PDE11A: variants seen among roughly 807,000 people sequenced by gnomAD.
PDE11A encodes the protein phosphodiesterase 11A, also known as dual 3',5'-cyclic-AMP and -GMP phosphodiesterase 11A.
A neutral mutation model predicts 100.5 loss-of-function variants in PDE11A; 100 were observed. The ratio of observed to expected loss-of-function variants is 1.00; its 90% CI spans 0.85 to 1.18. The LOEUF is 1.18. PDE11A is among the 50% of genes most tolerant of loss of function. The probability of loss-of-function intolerance (pLI) is 0.00; values close to 1 mark genes in which losing one functional copy is unlikely to be tolerated. For missense variants in PDE11A, 1,141 were observed against 1,152.6 expected, an observed-to-expected ratio of 0.99 and a Z score of 0.15; for synonymous variants, 381 against 420.8, an observed-to-expected ratio of 0.91 and a Z score of 1.16.
intron 6 of PDE11A, among the ~76,000 whole-genome samples, chr2:177,837,558 C>T (rs1244341193): frequency 6.6e-6 from 1 of 151,590 alleles, no homozygotes; most frequent in Non-Finnish European, 1.5e-5. Flanking sequence ...ACTGCAAGCT[C>T]TGCTTCCCGG....
At chr2:177,674,490 C>T (rs751827782) in intron 17 of PDE11A, among the ~76,000 whole-genome samples, 9 of 152,192 alleles carry the variant, frequency 5.9e-5, no homozygotes, top group Non-Finnish European at 8.8e-5. Context: ...TTCACATTGC[C>T]TTCTTCTGAG....
At chr2:177,896,861 A>C (rs934911679) in intron 4 of PDE11A, among the ~76,000 whole-genome samples, 3 of 152,274 alleles carry the variant, frequency 2.0e-5, no homozygotes, top group Admixed American at 6.5e-5. Context: ...CCCAAGGTTC[A>C]GCTGAGATTT....
Position 178,072,154 on chromosome 2 carries a change from C to G in PDE11A, c.284G>C (p.Gly95Ala), listed in dbSNP as rs2087142222. Residue 95 changes from glycine to alanine, a missense_variant, in exon 1 of 20, where the codon GGG becomes GCG. Physicochemically the swap from Gly to Ala is moderately conservative, Grantham distance 60. Transcript: ENST00000286063. The part of the protein sequence containing the change: ...QPLPGGGDCG[G>A]VPLSPSWAGG... ...GGCCCAGCTGGGACTCAAGGGAACC[C>G]CACCACAGTCCCCGCCACCGGGAAG... is the stretch of plus-strand genomic sequence containing the variant. 6.2e-7 allele frequency: 1 copy of G among 1,613,854 alleles called. No homozygotes were observed. Among genetic ancestry groups the G allele is most frequent in the Non-Finnish European group, 8.5e-7 (1 of 1,179,860 alleles).
chr2:177,674,122 A>C (rs185996738), intron 17 of PDE11A, among the ~76,000 whole-genome samples: 1 of 152,212 alleles, frequency 6.6e-6, no homozygotes, highest in African/African-American at 2.4e-5. Context: ...CACTGCTAAG[A>C]ATGAAAGCTT....
At chr2:177,692,058 T>C (rs1220744745) in intron 15 of PDE11A, among the ~76,000 whole-genome samples, 1 of 152,168 alleles carries the variant, frequency 6.6e-6, no homozygotes, top group Non-Finnish European at 1.5e-5. Context: ...AAATAAACTC[T>C]CTACTTATAT....
At position 178,071,527 on chromosome 2, in the gene PDE11A, T is replaced by G; in HGVS notation, c.911A>C (p.Gln304Pro). ...GAAGGGGACAATGCAAAGTCCTACC[T>G]GGTAGGCATCAGGAATGTTGACCGT... The part of the protein sequence containing the change: ...GETVNIPDAY[Q>P]DRRFNDEIDK... The change falls in exon 1 of 20, where the codon CAG becomes CCG. Residue 304 changes from glutamine to proline, a missense_variant and splice_region_variant. By Grantham distance (76) the Gln-to-Pro change is moderately conservative. Transcript: ENST00000286063. 2 of 1,612,706 alleles carry G rather than the reference T, an allele frequency of 1.2e-6. No homozygotes were observed. The highest frequency in any genetic ancestry group is 1.7e-6 in the Non-Finnish European group (2 of 1,178,682).
At chr2:177,681,858 C>T (rs1383439703) in intron 15 of PDE11A, among the ~76,000 whole-genome samples, 1 of 152,172 alleles carries the variant, frequency 6.6e-6, no homozygotes, top group Non-Finnish European at 1.5e-5. Context: ...ACATGACAGA[C>T]AGCAGGCCCT....
At chr2:177,631,530 T>TGG (rs2079932756) in intron 19 of PDE11A, among the ~76,000 whole-genome samples, 1 of 19,500 alleles carries the variant, frequency 5.1e-5, no homozygotes, top group African/African-American at 1.5e-4. Flanking sequence ...TATATATATA[T>TGG]ATATATATAT....
chr2:177,850,390 T>A (rs2083680472), intron 5 of PDE11A, among the ~76,000 whole-genome samples: 2 of 152,142 alleles, frequency 1.3e-5, no homozygotes, highest in African/African-American at 4.8e-5. Context: ...TAATTCAAGA[T>A]GGATTAAAGA....
chr2:177,723,442 C>T (rs1661747425), intron 12 of PDE11A, among the ~76,000 whole-genome samples: 1 of 152,126 alleles, frequency 6.6e-6, no homozygotes, highest in Admixed American at 6.6e-5. Context: ...CAGCGCCACG[C>T]TGCCTGCACC....
intron 10 of PDE11A, among the ~76,000 whole-genome samples, chr2:177,728,854 G>T (rs2081641190): frequency 6.6e-6 from 1 of 151,904 alleles, no homozygotes; most frequent in South Asian, 2.1e-4. Context: ...CATATTCAAG[G>T]TTTTCAAAAC....
At chr2:177,631,544 T>C (rs1269142937) in intron 19 of PDE11A, among the ~76,000 whole-genome samples, 1 of 16,150 alleles carries the variant, frequency 6.2e-5, no homozygotes, top group African/African-American at 1.8e-4. Flanking sequence ...TATATATATA[T>C]ATACACATGT....
chr2:177,879,462 C>T (rs1450218030), intron 4 of PDE11A, among the ~76,000 whole-genome samples: 1 of 152,116 alleles, frequency 6.6e-6, no homozygotes, highest in African/African-American at 2.4e-5. Flanking sequence ...TCTTATGTGT[C>T]AGGCAGTGTA....
chr2:177,802,816 T>C (rs2082812836), intron 9 of PDE11A, among the ~76,000 whole-genome samples: 1 of 151,980 alleles, frequency 6.6e-6, no homozygotes, highest in South Asian at 2.1e-4. Context: ...CATTTTGATA[T>C]GCAAGATTAG....
At chr2:177,923,240 A>G (rs1022868488) in intron 2 of PDE11A, among the ~76,000 whole-genome samples, 1 of 152,038 alleles carries the variant, frequency 6.6e-6, no homozygotes, top group Non-Finnish European at 1.5e-5. Flanking sequence ...GCAGTGGCAC[A>G]GTCACAGTTC....
At chr2:177,881,471 G>C (rs540046729) in intron 4 of PDE11A, among the ~76,000 whole-genome samples, 4 of 152,134 alleles carry the variant, frequency 2.6e-5, no homozygotes, top group African/African-American at 9.6e-5. Context: ...AAAATTTAAA[G>C]TGCAAGGTGA....
intron 2 of PDE11A, among the ~76,000 whole-genome samples, chr2:177,915,923 C>T (rs1296906352): frequency 6.6e-6 from 1 of 152,218 alleles, no homozygotes; most frequent in African/African-American, 2.4e-5. Flanking sequence ...TTCATGTCCT[C>T]ACTCCCTGTC....
At chr2:177,912,065 A>C (rs2084888851) in intron 2 of PDE11A, among the ~76,000 whole-genome samples, 2 of 152,156 alleles carry the variant, frequency 1.3e-5, no homozygotes, top group South Asian at 4.1e-4. Context: ...AGAAACAAGG[A>C]CAAGATAATG....
Position 177,629,284 on chromosome 2 carries a change from C to G in PDE11A, c.*123G>C, listed in dbSNP as rs6734683. On this transcript the variant is annotated 3_prime_UTR_variant, in exon 20 of 20. Transcript: ENST00000286063. Reference sequence around the variant, plus strand: ...GCTTCAAGGTGAAAGCCCAGGCATGCTTCCCAGTGCATCCTTGAGATGTTA... The same window carrying G: ...GCTTCAAGGTGAAAGCCCAGGCATGGTTCCCAGTGCATCCTTGAGATGTTA... The G allele has an allele frequency of 0.77, 682,532 of 891,146 alleles. 268,980 individuals are homozygous for G. The highest frequency in any genetic ancestry group is 0.89 in the East Asian group (37,017 of 41,400). The allele number at this position is 891,146 out of a possible 1,614,324, so 55.2% of individuals were successfully genotyped here.
Sources: gnomAD v4.1 joint callset for allele counts (sites outside exome capture counted in the v4.1 genomes callset) on GRCh38, gnomAD v4.1.1 for gene constraint, MANE v1.5 for transcripts, NCBI Gene and HGNC (gene_info 2026-07-23, HGNC 2026-07-21) for gene names.